The following ALDOB variants were observed in gnomAD, a reference collection of about 807,000 sequenced individuals.
The protein encoded by ALDOB is fructose-bisphosphate aldolase B.
In ALDOB, 39 loss-of-function variants were observed where a neutral mutation model predicts 41.0. The observed-to-expected ratio is 0.95, with a 90% CI of 0.74 to 1.24. The LOEUF is 1.24. Among genes scored for constraint, ALDOB ranks in the 50% most tolerant of loss-of-function variants. ALDOB has a pLI of 0.00. For synonymous variants in ALDOB, 175 were observed against 168.8 expected (o/e 1.04, Z -0.28); for missense variants, 530 against 457.3 (o/e 1.16, Z -1.45).
Position 101,421,818 on chromosome 9 carries a change from A to G in ALDOB, c.1086T>C (p.Tyr362=). The change falls in exon 9 of 9, where the codon TAT becomes TAC. Residue 362 remains tyrosine (Y), a synonymous_variant. Transcript: ENST00000647789. ...TGGCGGGCATTGGACCCTAGTAGGT[A>G]TAGCAGGCTGTGAAGAGCGACTGGG... The part of the protein sequence containing the change: ...ASTQSLFTAC[Y]TY 2 of 1,614,028 alleles carry G rather than the reference A, an allele frequency of 1.2e-6. No individual in the cohort carries two copies. The highest frequency in any genetic ancestry group is 8.5e-7 in the Non-Finnish European group (1 of 1,179,994).
chr9:101,423,806 C>A (rs995391260), intron 8 of ALDOB, among the ~76,000 whole-genome samples: 2 of 152,170 alleles, frequency 1.3e-5, no homozygotes, highest in Non-Finnish European at 1.5e-5. Context: ...ACATGCCAAG[C>A]TCTCTCCTAT....
chr9:101,428,294 A>G (rs574011219), intron 4 of ALDOB, among the ~76,000 whole-genome samples, 175 bp downstream of exon 4: 1 of 152,222 alleles, frequency 6.6e-6, no homozygotes, highest in Non-Finnish European at 1.5e-5. Context: ...ACAATATTTC[A>G]GTGACTGGCC....
chr9:101,430,994 C>T, intron 1 of ALDOB, 97 bp from the exon 2 acceptor site: 1 of 818,408 alleles, frequency 1.2e-6, no homozygotes, highest in East Asian at 2.6e-5. Flanking sequence ...CTGTGCAGAC[C>T]TCTGTGACAC....
rs760375644 is a variant in ALDOB at position 101,421,784 on chromosome 9, G to C, written c.*25C>G. Reference sequence around the variant, plus strand: ...TTCAGCCCTCCTACTAGAAGCACTGGAGCTAGGCTGGCGGGCATTGGACCC... The same window carrying C: ...TTCAGCCCTCCTACTAGAAGCACTGCAGCTAGGCTGGCGGGCATTGGACCC... On this transcript the variant is annotated 3_prime_UTR_variant, in exon 9 of 9. Transcript: ENST00000647789. 2.5e-6 allele frequency: 4 copies of C among 1,604,360 alleles called. No individual in the cohort carries two copies. In the East Asian group the frequency reaches 8.9e-5, roughly 36 times the overall value.
At position 101,424,850 on chromosome 9, in the gene ALDOB, C is replaced by A. The variant is rs371526091; in HGVS notation, c.992G>T (p.Arg331Leu). 38 of 1,612,868 alleles carry A rather than the reference C, an allele frequency of 2.4e-5. No homozygotes were observed. In the East Asian group the frequency reaches 6.9e-4, roughly 29 times the overall value. The change falls in exon 8 of 9, where the codon CGG (arginine) becomes CTG (leucine). Residue 331 changes from arginine (R) to leucine (L), a missense_variant. Coordinates refer to ENST00000647789, the MANE Select transcript of ALDOB (RefSeq NM_000035.4). ...KEATQEAFMK[R>L]AMANCQAAKG... ...GAGGTGGCAGCATCTTACCATGGCC[C>A]GCTTCATAAAAGCCTCCTGGGTTGC...
chr9:101,426,468 ATAACAGCTGTTATATGTTAAG>A (rs1831130359), intron 6 of ALDOB, 66 bp downstream of exon 6: 6 of 854,750 alleles, frequency 7.0e-6, no homozygotes, highest in East Asian at 2.4e-5. Context: ...TACTTCAGAT[ATAACAGCTGTTATATGTTAAG>A]TAACAGCTGT....
At chr9:101,427,713 G>C (rs1392845864) in intron 4 of ALDOB, 71 bp from the exon 5 acceptor site, 1 of 1,584,616 alleles carries the variant, frequency 6.3e-7, no homozygotes, top group Non-Finnish European at 8.6e-7. Context: ...CTAATAAAGG[G>C]AAGGAGTTCT....
At chr9:101,425,253 G>A (rs548614922) in intron 7 of ALDOB, among the ~76,000 whole-genome samples, 200 bp downstream of exon 7, 1 of 152,326 alleles carries the variant, frequency 6.6e-6, no homozygotes, top group Non-Finnish European at 1.5e-5. Context: ...GTGAAATGTT[G>A]AAGAAATACA....
rs1319426573 is a variant in ALDOB at position 101,420,882 on chromosome 9, TTTACTGCAAA to T, written c.*917_*926del. The T allele has an allele frequency of 6.6e-6, 1 of 152,188 alleles. No individual in the cohort carries two copies. Among genetic ancestry groups the T allele is most frequent in the Non-Finnish European group, 1.5e-5 (1 of 68,028 alleles). 9.4% of individuals were successfully genotyped at this position (152,188 alleles called of 1,614,324 possible). ...ATACAGTATCATTATGTGAATATTA[TTTACTGCAAA>T]ACTACGAAATATGCCTGGACGTGCA... On this transcript the variant is annotated 3_prime_UTR_variant, in exon 9 of 9. Coordinates refer to ENST00000647789, the MANE Select transcript of ALDOB (RefSeq NM_000035.4).
chr9:101,429,797 G>C lies in ALDOB; in HGVS notation c.282C>G (p.Phe94Leu), dbSNP rs549682194. ...TCCCCTTTTCCTTGAGGATGTTTCT[G>C]AACAGCTTTCCCTGGCTGTCCTTCT... ...LYQKDSQGKLFRNILKEKGIV... is the reference protein window; with the variant it reads ...LYQKDSQGKLLRNILKEKGIV... The change falls in exon 3 of 9, where the codon TTC (phenylalanine) becomes TTG (leucine). Residue 94 changes from phenylalanine to leucine, a missense_variant. Phe to Leu is a conservative substitution (Grantham distance 22). Coordinates refer to ENST00000647789, the MANE Select transcript of ALDOB (RefSeq NM_000035.4). 2.0e-5 allele frequency: 32 copies of C among 1,614,054 alleles called. No individual in the cohort carries two copies. The highest frequency in any genetic ancestry group is 4.5e-5 in the East Asian group (2 of 44,868).
intron 5 of ALDOB, 124 bp from the exon 6 acceptor site, chr9:101,426,762 G>A: frequency 1.5e-6 from 1 of 686,224 alleles, no homozygotes; most frequent in Non-Finnish European, 2.7e-6. Context: ...CTACATAGAT[G>A]ACTTAAAGAC....
rs754098239 is a variant in ALDOB at position 101,427,612 on chromosome 9, T to C, written c.410A>G (p.Gln137Arg). 7 of 1,614,134 alleles carry C rather than the reference T, an allele frequency of 4.3e-6. No homozygotes were observed. The highest frequency in any genetic ancestry group is 5.9e-6 in the Non-Finnish European group (7 of 1,180,026). Residue 137 changes from glutamine (Q) to arginine (R), a missense_variant, in exon 5 of 9, where the codon CAG becomes CGG. By Grantham distance (43) the Gln-to-Arg change is conservative. Coordinates refer to ENST00000647789, the MANE Select transcript of ALDOB (RefSeq NM_000035.4). ...GLDGLSERCA[Q>R]YKKDGVDFGK... The stretch of plus-strand genomic sequence containing the variant: ...AAAGTCAACACCATCTTTCTTGTAC[T>C]GAGCACAGCGCTCTGAGAGGCCATC...
At chr9:101,426,687 T>C (rs1463709418) in intron 5 of ALDOB, 49 bp from the exon 6 acceptor site, 6 of 1,164,226 alleles carry the variant, frequency 5.2e-6, no homozygotes, top group Admixed American at 1.7e-5. Flanking sequence ...CTCACTGTTA[T>C]CCTTTCCTTA....
chr9:101,435,508 G>C lies in ALDOB; in HGVS notation c.-11+201C>G, dbSNP rs914923655. Among the ~76,000 whole-genome samples, 7 of 152,252 alleles carry C rather than the reference G, an allele frequency of 4.6e-5. No homozygotes were observed. The East Asian group carries it at 1.4e-3, about 29-fold the overall frequency. On this transcript the variant is annotated intron_variant, in intron 1 of 8. Transcript: ENST00000647789. ...ATTTTGCCACCTCTCAAAAAGTCAG[G>C]AAAGGTGTGAATGAGCATTTATACT... is the stretch of plus-strand genomic sequence containing the variant.
In ALDOB at chr9:101,421,769, C is replaced by T. The variant is rs771608569; in HGVS notation, c.*40G>A. On this transcript the variant is annotated 3_prime_UTR_variant, in exon 9 of 9. Coordinates refer to ENST00000647789, the MANE Select transcript of ALDOB (RefSeq NM_000035.4). ...GAAAAGTTGCTCCCTTTCAGCCCTCCTACTAGAAGCACTGGAGCTAGGCTG... is the reference window on the plus strand; with the variant it reads ...GAAAAGTTGCTCCCTTTCAGCCCTCTTACTAGAAGCACTGGAGCTAGGCTG... 46 of 1,570,036 alleles carry T rather than the reference C, an allele frequency of 2.9e-5. No homozygotes were observed. Among genetic ancestry groups the T allele is most frequent in the South Asian group, 5.6e-5 (5 of 89,812 alleles).
chr9:101,423,205 G>C (rs182951312), intron 8 of ALDOB, among the ~76,000 whole-genome samples: 7 of 152,224 alleles, frequency 4.6e-5, no homozygotes, highest in Admixed American at 2.0e-4. Flanking sequence ...CTTCCCTTTA[G>C]GGCCTCATCA....
At chr9:101,425,207 G>C (rs1364133544) in intron 7 of ALDOB, among the ~76,000 whole-genome samples, 165 bp from the exon 8 acceptor site, 3 of 152,190 alleles carry the variant, frequency 2.0e-5, no homozygotes. Flanking sequence ...AGCTAGTTGG[G>C]CTAGAGATAA....
At chr9:101,435,147 T>G (rs1404892014) in intron 1 of ALDOB, among the ~76,000 whole-genome samples, 1 of 152,174 alleles carries the variant, frequency 6.6e-6, no homozygotes, top group Non-Finnish European at 1.5e-5. Context: ...CTATGCTCTG[T>G]GAAGTTTCCA....
chr9:101,429,871 T>G lies in ALDOB; in HGVS notation c.208A>C (p.Ile70Leu). ...REILFSVDSSINQSIGGVILF... is the reference protein window; with the variant it reads ...REILFSVDSSLNQSIGGVILF... ...ATCACACCCCCGATGCTCTGGTTGA[T>G]GGAACTGTCCACAGAGAAGAGGATT... Residue 70 changes from isoleucine to leucine, a missense_variant, in exon 3 of 9, where the codon ATC becomes CTC. By Grantham distance (5) the Ile-to-Leu change is conservative. Coordinates refer to ENST00000647789, the MANE Select transcript of ALDOB (RefSeq NM_000035.4). The G allele has an allele frequency of 6.2e-7, 1 of 1,614,128 alleles. No homozygotes were observed. Among genetic ancestry groups the G allele is most frequent in the Non-Finnish European group, 8.5e-7 (1 of 1,180,018 alleles).
Sources: allele counts gnomAD v4.1 joint callset (sites outside exome capture counted in the v4.1 genomes callset), GRCh38; gene constraint gnomAD v4.1.1; transcripts MANE v1.5; gene names NCBI Gene and HGNC (gene_info 2026-07-23, HGNC 2026-07-21).